Variants in URI1 observed in about 807,000 individuals in gnomAD.
URI1 encodes the protein unconventional prefoldin RPB5 interactor 1.
Under a neutral mutation model 60.2 loss-of-function variants are expected in URI1, and 39 were observed. That is an observed-to-expected ratio of 0.65 (90% CI 0.50 to 0.85). URI1 has a LOEUF of 0.85. Ranked by LOEUF, URI1 falls within the 40% of genes least tolerant of loss-of-function variation. The pLI is 0.00. For missense variants in URI1, 691 were observed against 665.9 expected (o/e 1.04, Z -0.42); for synonymous variants, 251 against 236.8 (o/e 1.06, Z -0.55).
intron 1 of URI1, among the ~76,000 whole-genome samples, chr19:29,966,216 G>A (rs909132275): frequency 2.0e-5 from 3 of 151,446 alleles, no homozygotes; most frequent in Admixed American, 6.6e-5. Flanking sequence ...GTGTGATCTC[G>A]GCTCACTGCA....
chr19:29,969,647 T>C (rs1222842622), intron 1 of URI1, among the ~76,000 whole-genome samples: 2 of 152,226 alleles, frequency 1.3e-5, no homozygotes, highest in Admixed American at 1.3e-4. Context: ...TTGGCTCTCT[T>C]CATGCTTGGA....
chr19:29,974,821 T>C (rs563786037), intron 2 of URI1, among the ~76,000 whole-genome samples: 114 of 152,344 alleles, frequency 7.5e-4, no homozygotes, highest in African/African-American at 2.6e-3. Flanking sequence ...CTCCCACTTA[T>C]AAGTGAGAAT....
intron 1 of URI1, among the ~76,000 whole-genome samples, chr19:29,949,124 C>T (rs963878369): frequency 8.6e-5 from 13 of 150,644 alleles, no homozygotes; most frequent in African/African-American, 2.0e-4. Context: ...GGGCAGCTGC[C>T]GGGCGGAGGG....
intron 4 of URI1, among the ~76,000 whole-genome samples, chr19:30,001,470 T>C (rs2055877292): frequency 6.6e-6 from 1 of 151,874 alleles, no homozygotes; most frequent in South Asian, 2.1e-4. Context: ...TAAGACATTT[T>C]CTATTCTCTT....
upstream of URI1, among the ~76,000 whole-genome samples, chr19:29,937,386 T>C (rs2054982775): frequency 6.6e-6 from 1 of 152,198 alleles, no homozygotes; most frequent in Non-Finnish European, 1.5e-5. Context: ...ATTGAATTCT[T>C]TTTTTCCCCC....
At chr19:29,932,399 C>G (rs1324319959) in intron 1 of URI1, among the ~76,000 whole-genome samples, 1 of 152,034 alleles carries the variant, frequency 6.6e-6, no homozygotes, top group African/African-American at 2.4e-5. Flanking sequence ...TTACTGCAAC[C>G]TCCGCCTCCC....
At chr19:29,955,229 G>A (rs918297142) in intron 1 of URI1, among the ~76,000 whole-genome samples, 3 of 151,820 alleles carry the variant, frequency 2.0e-5, no homozygotes, top group Non-Finnish European at 4.4e-5. Context: ...CTCCCAAAGT[G>A]CTGAGATTAC....
intron 4 of URI1, among the ~76,000 whole-genome samples, chr19:29,991,715 G>T (rs2145394341): frequency 6.6e-6 from 1 of 152,232 alleles, no homozygotes; most frequent in Non-Finnish European, 1.5e-5. Flanking sequence ...GCATTTTATT[G>T]TTAAGTGTGT....
chr19:29,950,658 T>G (rs2055168682), intron 1 of URI1, among the ~76,000 whole-genome samples: 1 of 152,214 alleles, frequency 6.6e-6, no homozygotes, highest in Non-Finnish European at 1.5e-5. Context: ...TACATCAAGG[T>G]CATTCTTCTA....
intron 1 of URI1, among the ~76,000 whole-genome samples, chr19:29,934,436 T>A (rs2054950574): frequency 1.3e-5 from 2 of 152,230 alleles, no homozygotes. Context: ...TCAGCAGGGT[T>A]GATATTTTCT....
chr19:29,946,421 G>A (rs1441779964), intron 1 of URI1, among the ~76,000 whole-genome samples: 1 of 152,118 alleles, frequency 6.6e-6, no homozygotes, highest in Non-Finnish European at 1.5e-5. Flanking sequence ...TTTATTAGCA[G>A]AACTACTGAG....
intron 4 of URI1, among the ~76,000 whole-genome samples, chr19:29,989,165 C>T (rs2055711167): frequency 6.6e-6 from 1 of 151,344 alleles, no homozygotes; most frequent in African/African-American, 2.4e-5. Context: ...GGCTGGAGTG[C>T]AGTGGGGCGA....
intron 1 of URI1, among the ~76,000 whole-genome samples, chr19:29,932,645 C>G (rs1274018726): frequency 3.8e-5 from 4 of 104,200 alleles, no homozygotes; most frequent in East Asian, 3.1e-4. Context: ...GGTTTTCCCC[C>G]CTTCATTCCT....
rs1430726718 is a variant in URI1, at chr19:30,009,246, G to GACGACA, written c.931_936dup (p.Asp311_Asn312dup). The GACGACA allele has an allele frequency of 6.2e-7, 1 of 1,613,430 alleles. No homozygotes were observed. Among genetic ancestry groups the GACGACA allele is most frequent in the Non-Finnish European group, 8.5e-7 (1 of 1,179,724 alleles). On this transcript the variant is annotated inframe_insertion, in exon 8 of 11. Coordinates refer to ENST00000392271, the MANE Select transcript of URI1 (RefSeq NM_003796.3). ...TGATGATGATGATGATGACGACGACGACGACAACATTGACGACGATGATGG... is the reference window on the plus strand; with the variant it reads ...TGATGATGATGATGATGACGACGACGACGACAACGACAACATTGACGACGATGATGG...
At chr19:29,956,467 A>G in intron 1 of URI1, 1 of 1,590,220 alleles carries the variant, frequency 6.3e-7, no homozygotes. Context: ...ACCATCCAAA[A>G]ATTTCCTGAT....
chr19:29,933,039 G>A (rs537910598), intron 1 of URI1, among the ~76,000 whole-genome samples: 10 of 152,228 alleles, frequency 6.6e-5, no homozygotes, highest in South Asian at 2.1e-4. Context: ...TTACAAATAC[G>A]CTGCCAAATT....
intron 4 of URI1, among the ~76,000 whole-genome samples, chr19:29,995,753 G>A (rs1342286515): frequency 6.6e-6 from 1 of 150,920 alleles, no homozygotes; most frequent in African/African-American, 2.4e-5. Flanking sequence ...CCTAGATTTA[G>A]CTTTCATTTA....
At chr19:29,936,341 G>A (rs769711691) in intron 1 of URI1, among the ~76,000 whole-genome samples, 6 of 152,080 alleles carry the variant, frequency 3.9e-5, no homozygotes, top group Admixed American at 6.6e-5. Context: ...GACCTCAGGC[G>A]ATCTGCCCAC....
chr19:29,944,706 C>A (rs1486092581), intron 1 of URI1, among the ~76,000 whole-genome samples: 1 of 152,172 alleles, frequency 6.6e-6, no homozygotes, highest in Non-Finnish European at 1.5e-5. Context: ...CACAAAATAA[C>A]CACGTATATC....
Sources: gnomAD v4.1 joint callset for allele counts (sites outside exome capture counted in the v4.1 genomes callset) on GRCh38, gnomAD v4.1.1 for gene constraint, MANE v1.5 for transcripts, NCBI Gene and HGNC (gene_info 2026-07-23, HGNC 2026-07-21) for gene names.